Variants in CDH12 observed in about 807,000 individuals in gnomAD.
CDH12 encodes cadherin 12, also known as cadherin-12.
Under a neutral mutation model 74.1 loss-of-function variants are expected in CDH12, and 41 were observed. The observed-to-expected ratio is 0.55, with a 90% CI of 0.43 to 0.72. The LOEUF (loss-of-function observed/expected upper bound fraction) is 0.72, where lower values mean the gene tolerates loss of function less well. Among genes scored for constraint, CDH12 ranks in the 30% least tolerant of loss-of-function variants. The pLI is 0.00. For missense variants in CDH12, 945 were observed against 977.2 expected (o/e 0.97, Z 0.44); for synonymous variants, 399 against 355.0 (o/e 1.12, Z -1.39).
intron 1 of CDH12, among the ~76,000 whole-genome samples, chr5:22,787,960 A>G (rs2126372500): frequency 6.6e-6 from 1 of 152,304 alleles, no homozygotes; most frequent in South Asian, 2.1e-4. Context: ...TATTTTGTAT[A>G]TTAGAAATGA....
At chr5:21,958,366 G>T (rs1756194983) in intron 6 of CDH12, among the ~76,000 whole-genome samples, 2 of 152,026 alleles carry the variant, frequency 1.3e-5, no homozygotes. Context: ...TGAAATCCTT[G>T]CCTGTTCTAA....
intron 5 of CDH12, among the ~76,000 whole-genome samples, chr5:22,020,196 A>G (rs1737879415): frequency 6.6e-6 from 1 of 152,176 alleles, no homozygotes; most frequent in African/African-American, 2.4e-5. Context: ...CTGCCATAAC[A>G]GAAGACCACA....
intron 6 of CDH12, among the ~76,000 whole-genome samples, chr5:21,890,470 T>C (rs1252249879): frequency 6.6e-6 from 1 of 152,142 alleles, no homozygotes; most frequent in Non-Finnish European, 1.5e-5. Flanking sequence ...CTATACAGCC[T>C]TACTTTCAGC....
chr5:22,521,567 T>A (rs557731889), intron 1 of CDH12, among the ~76,000 whole-genome samples: 1 of 152,190 alleles, frequency 6.6e-6, no homozygotes, highest in Admixed American at 6.5e-5. Flanking sequence ...AATACAAATG[T>A]TAACTGTTAG....
At chr5:22,132,739 T>C (rs1049011873) in intron 4 of CDH12, among the ~76,000 whole-genome samples, 1 of 152,038 alleles carries the variant, frequency 6.6e-6, no homozygotes, top group African/African-American at 2.4e-5. Context: ...CCAAATACTT[T>C]CAAAAAGAGA....
chr5:21,930,592 A>G (rs1212883128), intron 6 of CDH12, among the ~76,000 whole-genome samples: 1 of 152,162 alleles, frequency 6.6e-6, no homozygotes. Flanking sequence ...CTTTGTAGAC[A>G]CTCAACAAAT....
chr5:22,844,661 A>C (rs749776112), intron 1 of CDH12, among the ~76,000 whole-genome samples: 3 of 152,196 alleles, frequency 2.0e-5, no homozygotes, highest in Non-Finnish European at 4.4e-5. Flanking sequence ...TCAAAGAAAA[A>C]GAAAAGACTC....
At chr5:22,851,163 C>A (rs1737539386) in intron 1 of CDH12, among the ~76,000 whole-genome samples, 1 of 152,078 alleles carries the variant, frequency 6.6e-6, no homozygotes, top group African/African-American at 2.4e-5. Flanking sequence ...TAATACATAT[C>A]ATTCCGTGTG....
intron 2 of CDH12, among the ~76,000 whole-genome samples, chr5:22,457,586 AT>A (rs926841382): frequency 9.9e-5 from 12 of 121,402 alleles, no homozygotes; most frequent in African/African-American, 1.6e-4. Flanking sequence ...TGCCCAACTA[AT>A]TTTTTTTTTG....
intron 5 of CDH12, among the ~76,000 whole-genome samples, chr5:22,026,093 A>G (rs1738332250): frequency 6.6e-6 from 1 of 152,160 alleles, no homozygotes; most frequent in Non-Finnish European, 1.5e-5. Context: ...GCAAATTACA[A>G]ACGTTCTCAA....
At chr5:22,055,322 T>C (rs112242586) in intron 5 of CDH12, among the ~76,000 whole-genome samples, 30 of 152,310 alleles carry the variant, frequency 2.0e-4, no homozygotes, top group African/African-American at 7.0e-4. Flanking sequence ...TGTTTCCTAA[T>C]GATTTCAAAA....
intron 1 of CDH12, among the ~76,000 whole-genome samples, chr5:22,834,822 GAAAGA>G (rs1736753453): frequency 6.6e-6 from 1 of 151,780 alleles, no homozygotes; most frequent in Non-Finnish European, 1.5e-5. Flanking sequence ...TCTGAAAAAG[GAAAGA>G]AAAGCAAAGG....
At chr5:22,622,338 A>G (rs1225621505) in intron 1 of CDH12, among the ~76,000 whole-genome samples, 1 of 152,030 alleles carries the variant, frequency 6.6e-6, no homozygotes, top group East Asian at 1.9e-4. Flanking sequence ...CTTCAGAGAG[A>G]AGGCACTGAG....
rs1378190326 is a variant in CDH12, at chr5:22,306,163, TCACC to T, written c.-332-93524_-332-93521del. Among the ~76,000 whole-genome samples the T allele has an allele frequency of 2.5e-3, 374 of 152,290 alleles. 3 individuals are homozygous for T. Among genetic ancestry groups the T allele is most frequent in the African/African-American group, 8.9e-3 (368 of 41,558 alleles). On this transcript the variant is annotated intron_variant, in intron 3 of 14. Transcript: ENST00000382254. Reference sequence around the variant, plus strand: ...CCCTCTACTACAAGAACCCTTCTGCTCACCAGTTGCAATTTATACTGTTCTTTGA... The same window carrying T: ...CCCTCTACTACAAGAACCCTTCTGCTAGTTGCAATTTATACTGTTCTTTGA...
At chr5:21,879,541 G>A (rs142409928) in intron 6 of CDH12, among the ~76,000 whole-genome samples, 23 of 152,190 alleles carry the variant, frequency 1.5e-4, no homozygotes, top group African/African-American at 5.1e-4. Context: ...TGAAAGCTAC[G>A]GCTCTTAATC....
chr5:21,833,335 A>ATTATATG, intron 8 of CDH12, among the ~76,000 whole-genome samples: 1 of 20,276 alleles, frequency 4.9e-5, no homozygotes, highest in African/African-American at 3.8e-4. Flanking sequence ...TATATTATAT[A>ATTATATG]TTATATAACA....
chr5:22,449,127 G>A (rs1181957171), intron 2 of CDH12, among the ~76,000 whole-genome samples: 1 of 151,992 alleles, frequency 6.6e-6, no homozygotes, highest in East Asian at 1.9e-4. Context: ...CAGCTGTTAT[G>A]AGATGAACCT....
intron 4 of CDH12, among the ~76,000 whole-genome samples, chr5:22,081,053 A>G (rs758459412): frequency 1.2e-4 from 18 of 152,182 alleles, no homozygotes; most frequent in African/African-American, 4.1e-4. Context: ...TGCTGGGATT[A>G]CAGGCGTGAG....
At chr5:22,744,265 TAAA>T (rs1437490541) in intron 1 of CDH12, among the ~76,000 whole-genome samples, 1 of 151,974 alleles carries the variant, frequency 6.6e-6, no homozygotes, top group African/African-American at 2.4e-5. Flanking sequence ...CCGTCTCTAC[TAAA>T]AATACAAAAA....
Sources: allele counts gnomAD v4.1 joint callset (sites outside exome capture counted in the v4.1 genomes callset), GRCh38; gene constraint gnomAD v4.1.1; transcripts MANE v1.5; gene names NCBI Gene and HGNC (gene_info 2026-07-23, HGNC 2026-07-21).